The following C3 variants were observed in gnomAD, a reference collection of about 807,000 sequenced individuals.
The protein encoded by C3 is complement C3, also known as C3 and PZP-like alpha-2-macroglobulin domain-containing protein 1.
C3 carries 97 observed loss-of-function variants against 207.9 expected under a neutral mutation model. The ratio of observed to expected loss-of-function variants is 0.47; its 90% confidence interval spans 0.40 to 0.55. The LOEUF (loss-of-function observed/expected upper bound fraction) is 0.55, where lower values mean the gene tolerates loss of function less well. Ranked by LOEUF, C3 falls within the 20% of genes least tolerant of loss-of-function variation. C3 has a pLI of 0.00. For synonymous variants in C3, 848 were observed against 857.6 expected, an observed-to-expected ratio of 0.99 and a Z score of 0.20; for missense variants, 1,684 against 2,171.7, an observed-to-expected ratio of 0.78 and a Z score of 4.46.
chr19:6,718,529 G>A, intron 2 of C3, 117 bp from the exon 3 acceptor site: 2 of 1,272,542 alleles, frequency 1.6e-6, no homozygotes, highest in African/African-American at 1.5e-5. Flanking sequence ...GTCTTCCGAG[G>A]TGGCCGTTTT....
intron 11 of C3, 94 bp downstream of exon 11, chr19:6,712,163 T>C: frequency 6.7e-7 from 1 of 1,492,490 alleles, no homozygotes; most frequent in African/African-American, 1.4e-5. Flanking sequence ...GATGAGAATA[T>C]CTGTATGCAA....
intron 13 of C3, 50 bp downstream of exon 13, chr19:6,710,586 GAGA>G: frequency 7.3e-7 from 1 of 1,375,710 alleles, no homozygotes. Flanking sequence ...GAGAGAGAGA[GAGA>G]GAGGAGTAGG....
rs746449058 is a variant in C3 at position 6,686,897 on chromosome 19, C to A, written c.3495G>T (p.Leu1165=). The change falls in exon 28 of 41, where the codon CTG becomes CTT. Residue 1165 remains leucine, a synonymous_variant. Coordinates refer to ENST00000245907, the MANE Select transcript of C3 (RefSeq NM_000064.4). The part of the protein sequence containing the change: ...KDICEEQVNS[L]PGSITKAGDF... ...CTCCTGCTTTAGTGATGCTGCCTGG[C>A]AGGCTCTATGAGAAAGAGGATCAGA... 1.2e-6 allele frequency: 2 copies of A among 1,614,062 alleles called. No individual in the cohort carries two copies. The highest frequency in any genetic ancestry group is 1.3e-5 in the African/African-American group (1 of 74,936).
At chr19:6,679,536 C>T in intron 36 of C3, 40 bp from the exon 37 acceptor site, 1 of 1,430,534 alleles carries the variant, frequency 7.0e-7, no homozygotes, top group Non-Finnish European at 9.9e-7. Context: ...GGATAAGGGC[C>T]TCCCTCCAAA....
At chr19:6,706,191 G>A (rs980310472) in intron 17 of C3, among the ~76,000 whole-genome samples, 2 of 152,200 alleles carry the variant, frequency 1.3e-5, no homozygotes, top group African/African-American at 4.8e-5. Flanking sequence ...TTTCCCATTG[G>A]TAATTAGTGT....
At chr19:6,707,034 T>G in intron 17 of C3, 42 bp downstream of exon 17, 6 of 603,202 alleles carry the variant, frequency 9.9e-6, no homozygotes, top group Non-Finnish European at 1.5e-5. Context: ...TCCTCCCCCA[T>G]CAGACGGCCC....
rs746085199 is a variant in C3, at chr19:6,697,713, C to T, written c.2522G>A (p.Arg841Gln). Residue 841 changes from arginine to glutamine, a missense_variant, in exon 20 of 41, where the codon CGA (arginine) becomes CAA (glutamine). Physicochemically the swap from Arg to Gln is conservative, Grantham distance 43 (BLOSUM62 1). This residue lies in a region of C3 where 1,280 missense variants were observed against 1,739.1 expected (regional missense o/e 0.74). Coordinates refer to ENST00000245907, the MANE Select transcript of C3 (RefSeq NM_000064.4). ...IDLRLPYSVV[R>Q]NEQVEIRAVL... ...GGCTCGGATTTCCACCTGCTCGTTT[C>T]GAACAACAGAGTAGGGTAGCCGCAG... is the stretch of plus-strand genomic sequence containing the variant. 1.4e-5 allele frequency: 22 copies of T among 1,613,936 alleles called. No homozygotes were observed. Among genetic ancestry groups the T allele is most frequent in the Admixed American group, 5.0e-5 (3 of 59,994 alleles).
chr19:6,709,619 A>ACCCCCCCCC, intron 14 of C3, 65 bp downstream of exon 14: 1 of 432,306 alleles, frequency 2.3e-6, no homozygotes, highest in Non-Finnish European at 4.0e-6. Context: ...AGTCCCACCC[A>ACCCCCCCCC]CCTCCCCCAG....
intron 27 of C3, among the ~76,000 whole-genome samples, chr19:6,689,426 G>A (rs1918116806): frequency 6.9e-6 from 1 of 144,084 alleles, no homozygotes; most frequent in African/African-American, 2.6e-5. Flanking sequence ...CAACAGCCCT[G>A]TGTTTGTTTT....
rs1259984883 is a variant in C3 at position 6,679,219 on chromosome 19, G to C, written c.4547-11C>G. 16 of 1,612,318 alleles carry C rather than the reference G, an allele frequency of 9.9e-6. No individual in the cohort carries two copies. Among genetic ancestry groups the C allele is most frequent in the Non-Finnish European group, 1.4e-5 (16 of 1,178,460 alleles). On this transcript the variant is annotated splice_polypyrimidine_tract_variant and intron_variant, in intron 37 of 40. Transcript: ENST00000245907. ...GTATGAAGCAATTCTCTGCAGGGTGGGGTGGAGACAGGGTCTAAGTCCCAC... is the reference window on the plus strand; with the variant it reads ...GTATGAAGCAATTCTCTGCAGGGTGCGGTGGAGACAGGGTCTAAGTCCCAC...
intron 4 of C3, chr19:6,717,623 A>C: frequency 4.4e-6 from 1 of 228,404 alleles, no homozygotes; most frequent in Non-Finnish European, 8.2e-6. Context: ...GTGTTGTGTG[A>C]TAGTGTTGTG....
rs746574491 is a variant in C3 at position 6,709,639 on chromosome 19, C to T, written c.1845+45G>A. 42 of 1,571,084 alleles carry T rather than the reference C, an allele frequency of 2.7e-5. No homozygotes were observed. In the Admixed American group the frequency reaches 3.0e-4, roughly 11 times the overall value. Reference sequence around the variant, plus strand: ...CACCCACCTCCCCCAGCCCCAGCTCCGTGCCTCCGCCTCTTCTCAGCAGCC... The same window carrying T: ...CACCCACCTCCCCCAGCCCCAGCTCTGTGCCTCCGCCTCTTCTCAGCAGCC... On this transcript the variant is annotated intron_variant, in intron 14 of 40. Transcript: ENST00000245907.
At chr19:6,686,375 A>G in intron 28 of C3, 88 bp from the exon 29 acceptor site, 2 of 1,423,012 alleles carry the variant, frequency 1.4e-6, no homozygotes, top group Non-Finnish European at 2.0e-6. Flanking sequence ...GATGCATGCT[A>G]GACTTCCTGG....
chr19:6,678,073 CA>C lies in C3; in HGVS notation c.4851-51del, dbSNP rs770287028. ...GAAGGGGCGTGGTGTGGGCGTGGCG[CA>C]GGGGCGTGACAATGGTGTGGGCGTG... On this transcript the variant is annotated intron_variant, in intron 40 of 40. Coordinates refer to ENST00000245907, the MANE Select transcript of C3 (RefSeq NM_000064.4). The C allele has an allele frequency of 6.2e-6, 10 of 1,613,774 alleles. 1 individual carries two copies. In the Admixed American group the frequency reaches 1.2e-4, roughly 19 times the overall value.
chr19:6,712,205 C>T (rs1967934517), intron 11 of C3, 52 bp downstream of exon 11: 1 of 1,608,642 alleles, frequency 6.2e-7, no homozygotes, highest in Admixed American at 1.7e-5. Flanking sequence ...AACACCAGAA[C>T]CCCTGTACCG....
At chr19:6,713,570 G>A in intron 7 of C3, 61 bp from the exon 8 acceptor site, 1 of 1,299,520 alleles carries the variant, frequency 7.7e-7, no homozygotes, top group Non-Finnish European at 1.1e-6. Context: ...ATCTCCCCCA[G>A]CTTCTCCTGC....
Position 6,681,956 on chromosome 19 carries a change from G to T in C3, c.4335C>A (p.Ile1445=). Residue 1445 remains isoleucine (I), a synonymous_variant, in exon 35 of 41, where the codon ATC becomes ATA. Transcript: ENST00000245907. Reference sequence around the variant, plus strand: ...GCAGCCTTACCTTGTCCAGGTAGATGATGAGGGTGTTCCTATCGGAGAAGG... The same window carrying T: ...GCAGCCTTACCTTGTCCAGGTAGATTATGAGGGTGTTCCTATCGGAGAAGG... ...DKAFSDRNTL[I]IYLDKVSHSE... is the part of the protein sequence containing the mutation. 8 of 1,613,738 alleles carry T rather than the reference G, an allele frequency of 5.0e-6. No individual in the cohort carries two copies. The highest frequency in any genetic ancestry group is 5.9e-6 in the Non-Finnish European group (7 of 1,179,642).
intron 21 of C3, among the ~76,000 whole-genome samples, chr19:6,697,045 A>AATAAATAAAT (rs1555684982): frequency 9.3e-6 from 1 of 107,382 alleles, no homozygotes; most frequent in African/African-American, 3.7e-5. Context: ...CTGTCTCAAA[A>AATAAATAAAT]AAATAAACAA....
Position 6,718,156 on chromosome 19 carries a change from G to A in C3, c.442C>T (p.Arg148Trp). The A allele has an allele frequency of 1.2e-6, 2 of 1,614,146 alleles. No homozygotes were observed. Among genetic ancestry groups the A allele is most frequent in the Non-Finnish European group, 1.7e-6 (2 of 1,180,028 alleles). The change falls in exon 4 of 41, where the codon CGG becomes TGG. Residue 148 changes from arginine to tryptophan, a missense_variant. Around this residue, in one of 3 missense-constraint regions of C3, gnomAD observed 1,280 missense variants for 1,739.1 expected, o/e 0.74. Coordinates refer to ENST00000245907, the MANE Select transcript of C3 (RefSeq NM_000064.4). ...IYTPGSTVLY[R>W]IFTVNHKLLP... ...AGCTTGTGGTTGACGGTGAAGATCC[G>A]ATAGAGAACTGGGGAGAGACAAAGA...
Sources: gnomAD v4.1 joint callset for allele counts (sites outside exome capture counted in the v4.1 genomes callset) on GRCh38, gnomAD v4.1.1 for gene constraint, gnomAD v4.1.1 regional missense constraint, MANE v1.5 for transcripts, NCBI Gene and HGNC (gene_info 2026-07-23, HGNC 2026-07-21) for gene names.